WIPF2: variants seen among roughly 807,000 people sequenced by gnomAD.
The protein encoded by WIPF2 is WAS/WASL-interacting protein family member 2.
In WIPF2, 23 loss-of-function variants were observed where a neutral mutation model predicts 38.8. The observed-to-expected ratio is 0.59, with a 90% CI of 0.43 to 0.84. WIPF2 has a LOEUF of 0.84. WIPF2 is among the 40% of genes least tolerant of loss of function. The pLI is 0.00. For synonymous variants in WIPF2, 210 were observed against 223.2 expected (o/e 0.94, Z 0.53); for missense variants, 574 against 580.5 (o/e 0.99, Z 0.11).
chr17:40,262,077 CTTTTTTTTTTT>C (rs34246534), intron 3 of WIPF2, among the ~76,000 whole-genome samples: 1 of 122,610 alleles, frequency 8.2e-6, no homozygotes, highest in African/African-American at 3.2e-5. Flanking sequence ...TTTCTTTTCT[CTTTTTTTTTTT>C]TTTTTTGAAA....
chr17:40,239,707 T>G (rs1324589276), intron 1 of WIPF2, among the ~76,000 whole-genome samples: 2 of 147,714 alleles, frequency 1.4e-5, no homozygotes, highest in Non-Finnish European at 1.5e-5. Context: ...TTTTTTTTTT[T>G]TTTTTGAGAC....
Position 40,228,403 on chromosome 17 carries a change from G to C in WIPF2, c.-70+8911G>C, listed in dbSNP as rs144567594. ...CACTGATAGACATACACAGTTTCCA[G>C]TCTTTTGCTATTACAAACTATGCTG... On this transcript the variant is annotated intron_variant, in intron 1 of 7. Coordinates refer to ENST00000323571, the MANE Select transcript of WIPF2 (RefSeq NM_133264.5). 8.5e-5 allele frequency among the ~76,000 whole-genome samples: 13 copies of C among 152,210 alleles called. No homozygotes were observed. In the East Asian group the frequency reaches 2.3e-3, roughly 27 times the overall value.
chr17:40,228,998 G>A (rs1304456603), intron 1 of WIPF2, among the ~76,000 whole-genome samples: 5 of 151,790 alleles, frequency 3.3e-5, no homozygotes, highest in African/African-American at 1.2e-4. Context: ...CCACCTCCTG[G>A]GCTCAAGTGA....
intron 7 of WIPF2, 103 bp downstream of exon 7, chr17:40,277,287 A>G (rs1397898134): frequency 9.2e-6 from 9 of 975,724 alleles, no homozygotes; most frequent in Non-Finnish European, 1.4e-5. Context: ...AGTGGCTCAT[A>G]CCTATAATCC....
intron 5 of WIPF2, among the ~76,000 whole-genome samples, chr17:40,272,194 A>G (rs2032270309): frequency 1.3e-5 from 2 of 151,878 alleles, no homozygotes; most frequent in Admixed American, 6.6e-5. Flanking sequence ...TAATTTTTGT[A>G]TTTTAATAGA....
intron 5 of WIPF2, among the ~76,000 whole-genome samples, chr17:40,271,812 A>G (rs960520384): frequency 6.6e-6 from 1 of 152,212 alleles, no homozygotes; most frequent in South Asian, 2.1e-4. Flanking sequence ...TAGATACCCA[A>G]TAAATGGTAG....
chr17:40,222,970 C>T lies in WIPF2; in HGVS notation c.-70+3478C>T, dbSNP rs567951930. Among the ~76,000 whole-genome samples, 538 of 146,714 alleles carry T rather than the reference C, an allele frequency of 3.7e-3. 2 individuals are homozygous for T. Among genetic ancestry groups the T allele is most frequent in the Middle Eastern group, 6.8e-3 (2 of 294 alleles). On this transcript the variant is annotated intron_variant, in intron 1 of 7. Transcript: ENST00000323571. ...ACAGGCATGAGCTACCACACCTGGCCGCATGTTTAGTTTTTTAACTCTTAT... is the reference window on the plus strand; with the variant it reads ...ACAGGCATGAGCTACCACACCTGGCTGCATGTTTAGTTTTTTAACTCTTAT...
chr17:40,224,395 T>C (rs1360267219), intron 1 of WIPF2, among the ~76,000 whole-genome samples: 1 of 144,308 alleles, frequency 6.9e-6, no homozygotes, highest in East Asian at 2.0e-4. Context: ...CACGCCCGGC[T>C]GATTTTTTGT....
intron 1 of WIPF2, among the ~76,000 whole-genome samples, chr17:40,255,094 T>G (rs983007303): frequency 6.6e-6 from 1 of 151,938 alleles, no homozygotes; most frequent in Non-Finnish European, 1.5e-5. Context: ...AGCCTCAGAC[T>G]GGGAAAAAAT....
At chr17:40,259,132 G>A (rs2031822095) in intron 2 of WIPF2, among the ~76,000 whole-genome samples, 1 of 149,684 alleles carries the variant, frequency 6.7e-6, no homozygotes, top group Admixed American at 6.7e-5. Context: ...TTTTGCCTGG[G>A]CCTCCCAAAG....
At position 40,274,672 on chromosome 17, in the gene WIPF2, T is replaced by G. The variant is rs2032343124; in HGVS notation, c.1180+673T>G. Among the ~76,000 whole-genome samples the G allele has an allele frequency of 2.0e-5, 3 of 148,604 alleles. No homozygotes were observed. The South Asian group carries it at 6.5e-4, about 32-fold the overall frequency. On this transcript the variant is annotated intron_variant, in intron 6 of 7. Coordinates refer to ENST00000323571, the MANE Select transcript of WIPF2 (RefSeq NM_133264.5). ...TTAAAGAAAAAAGGATTGGGCGTGG[T>G]GGCTCATGCCTGTAATCCCAGCACT...
At chr17:40,243,553 G>A (rs902527543) in intron 1 of WIPF2, among the ~76,000 whole-genome samples, 6 of 151,244 alleles carry the variant, frequency 4.0e-5, no homozygotes, top group Non-Finnish European at 8.8e-5. Context: ...TTGCTCTGTC[G>A]CCCAGGCTGG....
At chr17:40,277,051 T>G in intron 6 of WIPF2, 32 bp from the exon 7 acceptor site, 1 of 1,568,438 alleles carries the variant, frequency 6.4e-7, no homozygotes, top group Non-Finnish European at 8.7e-7. Context: ...CAAGCAAGGA[T>G]GATAGGAATT....
intron 3 of WIPF2, among the ~76,000 whole-genome samples, chr17:40,261,648 A>C (rs1249733885): frequency 7.1e-6 from 1 of 141,798 alleles, no homozygotes; most frequent in African/African-American, 2.6e-5. Flanking sequence ...ATAAAGGAAG[A>C]TCGGCCACTT....
chr17:40,243,571 T>C (rs545706400), intron 1 of WIPF2, among the ~76,000 whole-genome samples: 25 of 152,034 alleles, frequency 1.6e-4, no homozygotes, highest in Admixed American at 1.4e-3. Context: ...TGGAGTGCAA[T>C]GGTGCCATCT....
In WIPF2 at chr17:40,220,585, A is replaced by ATG. The variant is rs1163046209; in HGVS notation, c.-70+1094_-70+1095insGT. ...AACGTGTGTGTGTGTATATATATAT[A>ATG]TATATATATATATATATATATATAT... On this transcript the variant is annotated intron_variant, in intron 1 of 7. Transcript: ENST00000323571. 3.8e-3 allele frequency: 247 copies of ATG among 65,824 alleles called. 4 individuals are homozygous for ATG. Among genetic ancestry groups the ATG allele is most frequent in the Middle Eastern group, 0.014 (2 of 148 alleles). 4.1% of individuals were successfully genotyped at this position (65,824 alleles called of 1,614,324 possible).
At chr17:40,250,881 A>G (rs1370251812) in intron 1 of WIPF2, among the ~76,000 whole-genome samples, 2 of 144,952 alleles carry the variant, frequency 1.4e-5, no homozygotes, top group Admixed American at 1.4e-4. Context: ...ACAGTGAGCT[A>G]TGATGGTGCC....
chr17:40,236,391 T>C (rs1035482529), intron 1 of WIPF2, among the ~76,000 whole-genome samples: 10 of 151,994 alleles, frequency 6.6e-5, no homozygotes, highest in African/African-American at 2.4e-4. Context: ...CAGGCTGGAG[T>C]GCAGTGGTGC....
At chr17:40,235,201 G>A (rs1187425924) in intron 1 of WIPF2, among the ~76,000 whole-genome samples, 1 of 152,066 alleles carries the variant, frequency 6.6e-6, no homozygotes, top group Non-Finnish European at 1.5e-5. Flanking sequence ...AGCCCATTGT[G>A]CAAATCTTAA....
Sources: allele counts gnomAD v4.1 joint callset (sites outside exome capture counted in the v4.1 genomes callset), GRCh38; gene constraint gnomAD v4.1.1; transcripts MANE v1.5; gene names NCBI Gene and HGNC (gene_info 2026-07-23, HGNC 2026-07-21).